Variants in LMX1A observed in about 807,000 individuals in gnomAD.
LMX1A encodes LIM homeobox transcription factor 1 alpha, also known as LIM homeobox transcription factor 1-alpha.
In LMX1A, 15 loss-of-function variants were observed where a neutral mutation model predicts 49.1. The ratio of observed to expected loss-of-function variants is 0.31; its 90% CI spans 0.20 to 0.47. LMX1A has a LOEUF of 0.47. LMX1A is among the 20% of genes least tolerant of loss of function. The pLI, the probability that LMX1A is intolerant of heterozygous loss-of-function variation, is 1.00. For missense variants in LMX1A, 372 were observed against 475.8 expected, an observed-to-expected ratio of 0.78 and a Z score of 2.03; for synonymous variants, 167 against 185.7, an observed-to-expected ratio of 0.90 and a Z score of 0.82.
intron 3 of LMX1A, among the ~76,000 whole-genome samples, chr1:165,307,652 C>T (rs16842357): frequency 0.045 from 6,868 of 152,226 alleles, 234 homozygotes; most frequent in East Asian, 0.11. Context: ...CCCTCAATAC[C>T]CTTACAACAG....
At chr1:165,344,998 C>T (rs1335155340) in intron 3 of LMX1A, among the ~76,000 whole-genome samples, 4 of 152,186 alleles carry the variant, frequency 2.6e-5, no homozygotes, top group Non-Finnish European at 5.9e-5. Context: ...CCTGCAGAGA[C>T]AGGGGGCCTA....
chr1:165,204,183 G>C, intron 8 of LMX1A, 143 bp from the exon 9 acceptor site: 1 of 813,736 alleles, frequency 1.2e-6, no homozygotes, highest in Admixed American at 2.8e-5. Flanking sequence ...ATTCTCTTTA[G>C]GGGGCTCAAG....
chr1:165,337,845 G>T (rs1490223656), intron 3 of LMX1A, among the ~76,000 whole-genome samples: 3 of 135,000 alleles, frequency 2.2e-5, no homozygotes, highest in Non-Finnish European at 4.7e-5. Flanking sequence ...CCTCAATTAT[G>T]CTAGTGGACA....
intron 5 of LMX1A, among the ~76,000 whole-genome samples, chr1:165,212,375 G>A (rs35262755): frequency 6.6e-6 from 1 of 152,098 alleles, no homozygotes; most frequent in Non-Finnish European, 1.5e-5. Flanking sequence ...AAGCCCAGGA[G>A]GGGGCTGCTC....
intron 3 of LMX1A, 59 bp from the exon 4 acceptor site, chr1:165,249,699 G>C: frequency 7.4e-7 from 1 of 1,351,452 alleles, no homozygotes; most frequent in Non-Finnish European, 1.0e-6. Flanking sequence ...TTGGTCCTGG[G>C]TCTCCCCTGA....
chr1:165,316,703 G>A (rs1009871607), intron 3 of LMX1A, among the ~76,000 whole-genome samples: 1 of 152,166 alleles, frequency 6.6e-6, no homozygotes, highest in African/African-American at 2.4e-5. Context: ...TTTCCCAGGG[G>A]CATCCGAGTT....
intron 3 of LMX1A, among the ~76,000 whole-genome samples, chr1:165,302,376 G>A (rs1654808585): frequency 6.6e-6 from 1 of 151,842 alleles, no homozygotes; most frequent in African/African-American, 2.4e-5. Context: ...CCCAGGAGAT[G>A]GAGGTTGCAG....
chr1:165,275,468 G>A (rs949658084), intron 3 of LMX1A, among the ~76,000 whole-genome samples: 6 of 152,164 alleles, frequency 3.9e-5, no homozygotes, highest in Admixed American at 3.3e-4. Context: ...TCCGACTGGG[G>A]TGACAGAGGT....
intron 6 of LMX1A, among the ~76,000 whole-genome samples, chr1:165,210,106 T>C (rs1651309421): frequency 6.6e-6 from 1 of 152,250 alleles, no homozygotes; most frequent in South Asian, 2.1e-4. Context: ...TTTCCTCATA[T>C]CATCCACTAA....
In LMX1A at chr1:165,235,124, G is replaced by A. The variant is rs140441455; in HGVS notation, c.496+14284C>T. 1.9e-3 allele frequency among the ~76,000 whole-genome samples: 282 copies of A among 151,008 alleles called. 2 individuals carry two copies. The highest frequency in any genetic ancestry group is 6.4e-3 in the African/African-American group (259 of 40,676). On this transcript the variant is annotated intron_variant, in intron 4 of 8. Coordinates refer to ENST00000342310, the MANE Select transcript of LMX1A (RefSeq NM_177398.4). ...TATTTACGCCCTTAGATTTCTCAAG[G>A]TTGGGGCATGAAGGAGAGACAGTTA...
At chr1:165,207,263 G>A (rs1651125571) in intron 7 of LMX1A, among the ~76,000 whole-genome samples, 1 of 152,212 alleles carries the variant, frequency 6.6e-6, no homozygotes, top group African/African-American at 2.4e-5. Flanking sequence ...TGGGTGGCCA[G>A]GGGCATAGCG....
In LMX1A at chr1:165,316,826, A is replaced by T. The variant is rs1655242800; in HGVS notation, c.263+36250T>A. On this transcript the variant is annotated intron_variant, in intron 3 of 8. Transcript: ENST00000342310. ...AGCCCAGCAGCCCTGTTGCAGCAAC[A>T]CCTCCCCATCCGGATCCCACAGGGC... Among the ~76,000 whole-genome samples the T allele has an allele frequency of 3.3e-5, 5 of 151,878 alleles. No individual in the cohort carries two copies. In the South Asian group the frequency reaches 1.0e-3, roughly 32 times the overall value.
intron 3 of LMX1A, among the ~76,000 whole-genome samples, chr1:165,333,308 C>T (rs1471297483): frequency 2.6e-5 from 4 of 152,180 alleles, no homozygotes; most frequent in Non-Finnish European, 1.5e-5. Context: ...CAGGCATGTG[C>T]CACCACGCCC....
At chr1:165,239,948 A>G (rs1652587864) in intron 4 of LMX1A, among the ~76,000 whole-genome samples, 2 of 152,218 alleles carry the variant, frequency 1.3e-5, no homozygotes, top group Admixed American at 6.5e-5. Flanking sequence ...AGGAATTTAT[A>G]CCAATTCCAA....
intron 3 of LMX1A, among the ~76,000 whole-genome samples, chr1:165,296,504 T>G (rs1217151613): frequency 6.6e-6 from 1 of 152,254 alleles, no homozygotes; most frequent in Non-Finnish European, 1.5e-5. Context: ...GGGCCTGCTC[T>G]TAGAAAGTCA....
intron 8 of LMX1A, among the ~76,000 whole-genome samples, chr1:165,205,034 C>T (rs979825199): frequency 4.6e-5 from 7 of 151,992 alleles, no homozygotes; most frequent in African/African-American, 1.7e-4. Context: ...AGTTGTTTGG[C>T]AAAATCTGTG....
intron 3 of LMX1A, among the ~76,000 whole-genome samples, chr1:165,314,307 C>G (rs925274374): frequency 6.6e-6 from 1 of 152,190 alleles, no homozygotes; most frequent in African/African-American, 2.4e-5. Flanking sequence ...TGGAACCAGC[C>G]TCTATGAATG....
intron 4 of LMX1A, among the ~76,000 whole-genome samples, chr1:165,214,619 C>T (rs1177475086): frequency 1.3e-5 from 2 of 152,188 alleles, no homozygotes; most frequent in Non-Finnish European, 2.9e-5. Flanking sequence ...TCTTAGATGT[C>T]ATTTTTCAAG....
At chr1:165,256,254 G>A (rs12090613) in intron 3 of LMX1A, among the ~76,000 whole-genome samples, 4,063 of 152,220 alleles carry the variant, frequency 0.027, 184 homozygotes, top group African/African-American at 0.092. Flanking sequence ...GAAAGAACAC[G>A]GGACTTGGCA....
Sources: gnomAD v4.1 joint callset for allele counts (sites outside exome capture counted in the v4.1 genomes callset) on GRCh38, gnomAD v4.1.1 for gene constraint, MANE v1.5 for transcripts, NCBI Gene and HGNC (gene_info 2026-07-23, HGNC 2026-07-21) for gene names.